Variants in KCNH2 observed in about 807,000 individuals in gnomAD.
The protein encoded by KCNH2 is voltage-gated inwardly rectifying potassium channel KCNH2.
A neutral mutation model predicts 95.9 loss-of-function variants in KCNH2; 35 were observed. That is an observed-to-expected ratio of 0.37 (90% CI 0.28 to 0.48). KCNH2 has a LOEUF of 0.48. KCNH2 is among the 20% of genes least tolerant of loss of function. The pLI, the probability that KCNH2 is intolerant of heterozygous loss-of-function variation, is 0.99. For synonymous variants in KCNH2, 786 were observed against 754.7 expected (o/e 1.04, Z -0.68); for missense variants, 1,274 against 1,702.9 (o/e 0.75, Z 4.43).
At chr7:150,951,393 A>T in intron 7 of KCNH2, 55 bp downstream of exon 7, 2 of 1,607,088 alleles carry the variant, frequency 1.2e-6, no homozygotes, top group Admixed American at 3.3e-5. Context: ...GTTTCCTCCA[A>T]CTTGGGTTCC....
chr7:150,958,463 A>C lies in KCNH2; in HGVS notation c.512T>G (p.Leu171Arg), dbSNP rs1377077604. The change falls in exon 4 of 15, where the codon CTG becomes CGG. Residue 171 changes from leucine to arginine, a missense_variant. Physicochemically the swap from Leu to Arg is moderately radical, Grantham distance 102 (BLOSUM62 -2). Coordinates refer to ENST00000262186, the MANE Select transcript of KCNH2 (RefSeq NM_000238.4). The stretch of plus-strand genomic sequence containing the variant: ...CGACGACTCCCGGGCCGTCAGCGCC[A>C]GCAGCGCGGGCAGCTTCAGGCGGAA... ...KTFRLKLPALLALTARESSVR... is the reference protein window; with the variant it reads ...KTFRLKLPALRALTARESSVR... The C allele has an allele frequency of 6.8e-7, 1 of 1,466,140 alleles. No individual in the cohort carries two copies. 90.8% of individuals were successfully genotyped at this position (1,466,140 alleles called of 1,614,324 possible). A position where few individuals can be genotyped will look rare whatever the true frequency, so the allele number is the denominator to read the frequency against.
At chr7:150,977,125 G>A (rs371642022) in intron 1 of KCNH2, among the ~76,000 whole-genome samples, 1 of 151,998 alleles carries the variant, frequency 6.6e-6, no homozygotes, top group Non-Finnish European at 1.5e-5. Context: ...CTGTACTCCC[G>A]GTCCCCATAA....
At position 150,945,688 on chromosome 7, in the gene KCNH2, G is replaced by T. The variant is rs145756148; in HGVS notation, c.3331-174C>A. Among the ~76,000 whole-genome samples, 1 of 152,154 alleles carries T rather than the reference G, an allele frequency of 6.6e-6. No individual in the cohort carries two copies. Among genetic ancestry groups the T allele is most frequent in the Non-Finnish European group, 1.5e-5 (1 of 68,026 alleles). ...ACAAGAGCCAAGGCAGCGAGAGCAGGACAGGGGCCACCAAGGGGAGGCACC... is the reference window on the plus strand; with the variant it reads ...ACAAGAGCCAAGGCAGCGAGAGCAGTACAGGGGCCACCAAGGGGAGGCACC... On this transcript the variant is annotated intron_variant, in intron 14 of 14. Coordinates refer to ENST00000262186, the MANE Select transcript of KCNH2 (RefSeq NM_000238.4). The surrounding 1 kb of genome is among the most constrained non-coding windows in gnomAD (Gnocchi z 5.6).
chr7:150,976,230 G>A (rs531040516), intron 1 of KCNH2, among the ~76,000 whole-genome samples: 1 of 152,172 alleles, frequency 6.6e-6, no homozygotes, highest in East Asian at 1.9e-4. Context: ...GTGCAAAGCT[G>A]GGCTGCAGCA....
chr7:150,947,087 T>C, intron 13 of KCNH2, 33 bp from the exon 14 acceptor site: 2 of 1,226,802 alleles, frequency 1.6e-6, no homozygotes, highest in Non-Finnish European at 1.1e-6. Context: ...CTCAGAGAAG[T>C]GGGGACACCA....
chr7:150,969,893 C>T lies in KCNH2; in HGVS notation c.307+4818G>A, dbSNP rs1801795296. Among the ~76,000 whole-genome samples, 7 of 152,164 alleles carry T rather than the reference C, an allele frequency of 4.6e-5. 1 individual carries two copies. The South Asian group carries it at 1.5e-3, about 32-fold the overall frequency. On this transcript the variant is annotated intron_variant, in intron 2 of 14. Coordinates refer to ENST00000262186, the MANE Select transcript of KCNH2 (RefSeq NM_000238.4). ...CAACCACAGGCCACAGCATAGAGAT[C>T]TTTATGGGCAAGACTAAGGACATGG...
intron 2 of KCNH2, among the ~76,000 whole-genome samples, chr7:150,970,770 C>T (rs562353611): frequency 2.1e-4 from 32 of 152,326 alleles, no homozygotes; most frequent in Non-Finnish European, 4.1e-4. Context: ...ATAGGAACAC[C>T]GCTGTCCCCA....
intron 6 of KCNH2, 33 bp from the exon 7 acceptor site, chr7:150,951,868 T>C: frequency 6.5e-7 from 1 of 1,537,490 alleles, no homozygotes; most frequent in South Asian, 1.2e-5. Context: ...ATTCCGTTGA[T>C]GGGGCAAGGG....
intron 2 of KCNH2, among the ~76,000 whole-genome samples, chr7:150,960,937 G>A (rs1036759605): frequency 1.3e-5 from 2 of 150,866 alleles, no homozygotes; most frequent in Non-Finnish European, 2.9e-5. Flanking sequence ...TCCACCTAAG[G>A]CCCAGCTCAG....
chr7:150,948,424 C>CCA lies in KCNH2; in HGVS notation c.2692+19_2692+20insTG. On this transcript the variant is annotated intron_variant, in intron 11 of 14. Coordinates refer to ENST00000262186, the MANE Select transcript of KCNH2 (RefSeq NM_000238.4). ...TCACCTTGTCCCCGCCCTCCCCCTTCCTCCCCTCCCCCGCCTCACCCTTGT... is the reference window on the plus strand; with the variant it reads ...TCACCTTGTCCCCGCCCTCCCCCTTCCACTCCCCTCCCCCGCCTCACCCTTGT... The CCA allele has an allele frequency of 6.7e-6, 5 of 745,058 alleles. No homozygotes were observed. The highest frequency in any genetic ancestry group is 1.1e-5 in the Non-Finnish European group (5 of 460,218). The allele number at this position is 745,058 out of a possible 1,614,324, so 46.2% of individuals were successfully genotyped here. A position where few individuals can be genotyped will look rare whatever the true frequency, so the allele number is the denominator to read the frequency against.
intron 1 of KCNH2, among the ~76,000 whole-genome samples, chr7:150,976,866 C>G (rs968179758): frequency 5.3e-5 from 8 of 151,796 alleles, no homozygotes; most frequent in African/African-American, 1.7e-4. Context: ...TCCTCCGCTT[C>G]ACACAATACT....
chr7:150,950,259 C>T lies in KCNH2; in HGVS notation c.2307G>A (p.Leu769=), dbSNP rs1322132614. Residue 769 remains leucine, a synonymous_variant, in exon 9 of 15, where the codon CTG becomes CTA. Transcript: ENST00000262186. ...KTTHAPPGDT[L]VHAGDLLTAL... is the part of the protein sequence containing the mutation. ...CGGTGAGCAGGTCCCCAGCATGCAC[C>T]AGTGTGTCCCCTGGCGGTGCATGTG... is the stretch of plus-strand genomic sequence containing the variant. The T allele has an allele frequency of 6.2e-7, 1 of 1,613,614 alleles. No individual in the cohort carries two copies. Among genetic ancestry groups the T allele is most frequent in the African/African-American group, 1.3e-5 (1 of 74,896 alleles).
chr7:150,949,389 G>A, intron 9 of KCNH2: 1 of 894,436 alleles, frequency 1.1e-6, no homozygotes, highest in Non-Finnish European at 1.4e-6. Flanking sequence ...TCAGAACACA[G>A]TAGTGAATCA....
intron 5 of KCNH2, among the ~76,000 whole-genome samples, chr7:150,954,674 G>A (rs1801304146): frequency 6.6e-6 from 1 of 152,166 alleles, no homozygotes; most frequent in Admixed American, 6.5e-5. Context: ...TATGAGCCAA[G>A]GCAGAATGTG....
chr7:150,966,399 A>C (rs191783173), intron 2 of KCNH2, among the ~76,000 whole-genome samples: 22,748 of 63,498 alleles, frequency 0.36, 2,836 homozygotes, highest in East Asian at 0.62. Context: ...CCCCACACAC[A>C]CACACACACA....
At chr7:150,964,319 C>T (rs1801646172) in intron 2 of KCNH2, among the ~76,000 whole-genome samples, 1 of 152,212 alleles carries the variant, frequency 6.6e-6, no homozygotes, top group South Asian at 2.1e-4. Flanking sequence ...TGTTGAGCCA[C>T]CGTGACCAAC....
At chr7:150,971,968 T>TACG (rs1170612539) in intron 2 of KCNH2, among the ~76,000 whole-genome samples, 1 of 151,950 alleles carries the variant, frequency 6.6e-6, no homozygotes, top group Non-Finnish European at 1.5e-5. Flanking sequence ...CCCAGGGCCT[T>TACG]GCGGGGATGT....
At chr7:150,960,442 T>C (rs1303086311) in intron 2 of KCNH2, among the ~76,000 whole-genome samples, 4 of 152,244 alleles carry the variant, frequency 2.6e-5, no homozygotes, top group Admixed American at 1.3e-4. Flanking sequence ...GCCTGGCGTA[T>C]GCCGCACACT....
chr7:150,948,668 C>T (rs1801017152), intron 10 of KCNH2, 125 bp from the exon 11 acceptor site: 1 of 1,109,092 alleles, frequency 9.0e-7, no homozygotes, highest in South Asian at 1.3e-5. Context: ...AAAACCCTTC[C>T]CTGCCCCCAA....
Sources: allele counts gnomAD v4.1 joint callset (sites outside exome capture counted in the v4.1 genomes callset), GRCh38; gene constraint gnomAD v4.1.1; non-coding constraint Gnocchi (gnomAD v3.1); transcripts MANE v1.5; gene names NCBI Gene and HGNC (gene_info 2026-07-23, HGNC 2026-07-21).